IREB2: variants seen among roughly 807,000 people sequenced by gnomAD.
IREB2 encodes the protein iron responsive element binding protein 2.
In IREB2, 39 loss-of-function variants were observed where a neutral mutation model predicts 118.8. That is an observed-to-expected ratio of 0.33 (90% confidence interval 0.25 to 0.43). IREB2 has a LOEUF of 0.43. Ranked by LOEUF, IREB2 falls within the 20% of genes least tolerant of loss-of-function variation. The pLI is 1.00. For missense variants in IREB2, 900 were observed against 1,147.3 expected, an observed-to-expected ratio of 0.78 and a Z score of 3.11; for synonymous variants, 372 against 392.2, an observed-to-expected ratio of 0.95 and a Z score of 0.61.
intron 10 of IREB2, among the ~76,000 whole-genome samples, chr15:78,482,005 G>C (rs1001679338): frequency 6.6e-6 from 1 of 152,304 alleles, no homozygotes. Flanking sequence ...ACTTTGGGAG[G>C]CTGAGGCGGG....
chr15:78,461,846 A>G (rs1393040477), intron 2 of IREB2, among the ~76,000 whole-genome samples: 1 of 152,188 alleles, frequency 6.6e-6, no homozygotes, highest in Non-Finnish European at 1.5e-5. Flanking sequence ...ACCAGTCACA[A>G]TCTCTGAATA....
At position 78,486,612 on chromosome 15, in the gene IREB2, A is replaced by G. The variant is rs1355089054; in HGVS notation, c.1709+772A>G. Among the ~76,000 whole-genome samples the G allele has an allele frequency of 3.4e-3, 520 of 150,964 alleles. 4 individuals carry two copies. Among genetic ancestry groups the G allele is most frequent in the East Asian group, 0.015 (77 of 5,164 alleles). Reference sequence around the variant, plus strand: ...AGAGCGAGACTCCATCTCAAAAAGAAAAAAAAAAAAGTAACCTATGTTTTT... The same window carrying G: ...AGAGCGAGACTCCATCTCAAAAAGAGAAAAAAAAAAGTAACCTATGTTTTT... On this transcript the variant is annotated intron_variant, in intron 13 of 21. Transcript: ENST00000258886.
In IREB2 at chr15:78,463,069, T is replaced by C; in HGVS notation, c.254T>C (p.Val85Ala). ...GAAGTGCCCTTTTTCCCTGCCCGTGTTCTTCTTCAAGATTTTACGTGAGTA... is the reference window on the plus strand; with the variant it reads ...GAAGTGCCCTTTTTCCCTGCCCGTGCTCTTCTTCAAGATTTTACGTGAGTA... ...NVEVPFFPAR[V>A]LLQDFTGIPA... Residue 85 changes from valine to alanine, a missense_variant, in exon 3 of 22, where the codon GTT becomes GCT. By Grantham distance (64) the Val-to-Ala change is moderately conservative (BLOSUM62 0). Transcript: ENST00000258886. 1 of 1,603,346 alleles carries C rather than the reference T, an allele frequency of 6.2e-7. No homozygotes were observed. Among genetic ancestry groups the C allele is most frequent in the Non-Finnish European group, 8.5e-7 (1 of 1,176,932 alleles).
chr15:78,437,979 C>T (rs1029242788), upstream of IREB2, among the ~76,000 whole-genome samples: 8 of 152,364 alleles, frequency 5.3e-5, no homozygotes, highest in African/African-American at 1.9e-4. Flanking sequence ...AAGGCCGCAA[C>T]TAAGTAACGG....
At position 78,490,604 on chromosome 15, in the gene IREB2, AC is replaced by A; in HGVS notation, c.2182-14del. On this transcript the variant is annotated splice_polypyrimidine_tract_variant and intron_variant, in intron 17 of 21. Coordinates refer to ENST00000258886, the MANE Select transcript of IREB2 (RefSeq NM_004136.4). The stretch of plus-strand genomic sequence containing the variant: ...TCTTGTAAAGAGTTAAATGCCTTGA[AC>A]TTTTACCTTCTAGACCAAAGAGCCA... The A allele has an allele frequency of 6.2e-7, 1 of 1,613,460 alleles. No homozygotes were observed. Among genetic ancestry groups the A allele is most frequent in the Non-Finnish European group, 8.5e-7 (1 of 1,179,768 alleles).
At position 78,466,460 on chromosome 15, in the gene IREB2, G is replaced by A. The variant is rs2051285009; in HGVS notation, c.600G>A (p.Leu200=). Residue 200 remains leucine (L), a synonymous_variant, in exon 5 of 22, where the codon CTG becomes CTA. Transcript: ENST00000258886. The stretch of plus-strand genomic sequence containing the variant: ...CGCAGATTGAGAATACACCCATCCT[G>A]TGTCCTTTTCATTTGCAACCAGTGC... ...FSSQIENTPI[L]CPFHLQPVPE... The A allele has an allele frequency of 2.5e-6, 4 of 1,613,880 alleles. No homozygotes were observed. Among genetic ancestry groups the A allele is most frequent in the Non-Finnish European group, 3.4e-6 (4 of 1,179,836 alleles).
intron 10 of IREB2, among the ~76,000 whole-genome samples, chr15:78,482,990 C>T (rs111297626): frequency 6.5e-4 from 99 of 152,236 alleles, no homozygotes; most frequent in South Asian, 1.5e-3. Context: ...CTGCCCACCT[C>T]GGCCTCCCAG....
chr15:78,446,174 C>T (rs568177310), intron 2 of IREB2, among the ~76,000 whole-genome samples: 19 of 152,280 alleles, frequency 1.2e-4, no homozygotes, highest in African/African-American at 3.9e-4. Context: ...ATCTGTTCAT[C>T]TTGTCTTTTA....
chr15:78,475,385 G>A (rs2141495801), intron 8 of IREB2: 1 of 152,292 alleles, frequency 6.6e-6, no homozygotes, highest in South Asian at 2.1e-4. Flanking sequence ...CTACCAAAGT[G>A]GGATTTGCCT....
At chr15:78,475,663 T>C (rs536000895) in intron 8 of IREB2, 1 of 152,050 alleles carries the variant, frequency 6.6e-6, no homozygotes, top group Non-Finnish European at 1.5e-5. Context: ...CTGGTCAACA[T>C]TGTAAGACCC....
chr15:78,472,356 CTTTTT>C (rs956192961), intron 7 of IREB2, among the ~76,000 whole-genome samples: 1 of 147,854 alleles, frequency 6.8e-6, no homozygotes, highest in Non-Finnish European at 1.5e-5. Context: ...TGTCTCTTTT[CTTTTT>C]TTTTTCTTTT....
chr15:78,462,411 G>T (rs2051212678), intron 2 of IREB2, among the ~76,000 whole-genome samples: 1 of 152,172 alleles, frequency 6.6e-6, no homozygotes, highest in Non-Finnish European at 1.5e-5. Flanking sequence ...AAGTAATTAA[G>T]AGTGAATCAA....
intron 21 of IREB2, among the ~76,000 whole-genome samples, chr15:78,497,623 G>A (rs1042685085): frequency 1.3e-5 from 2 of 152,016 alleles, no homozygotes; most frequent in Non-Finnish European, 2.9e-5. Flanking sequence ...AATTTTAACC[G>A]AGGCATACAT....
At chr15:78,478,710 G>A (rs2051517588) in intron 10 of IREB2, among the ~76,000 whole-genome samples, 1 of 151,962 alleles carries the variant, frequency 6.6e-6, no homozygotes, top group Non-Finnish European at 1.5e-5. Flanking sequence ...GTGTCAAAAA[G>A]GAAAAAAATA....
At chr15:78,475,939 T>C (rs1204837373) in intron 8 of IREB2, 1 of 297,498 alleles carries the variant, frequency 3.4e-6, no homozygotes, top group African/African-American at 2.2e-5. Flanking sequence ...AAAATGTTAA[T>C]TATAGCCACC....
In IREB2 at chr15:78,439,782, A is replaced by AT. The variant is rs533778908; in HGVS notation, c.20-4dup. ...TGTTGCTGCATTTAATGAAAATACAATTTTTTTTTCAGGATACGCCTTTGA... is the reference window on the plus strand; with the variant it reads ...TGTTGCTGCATTTAATGAAAATACAATTTTTTTTTTCAGGATACGCCTTTGA... On this transcript the variant is annotated splice_polypyrimidine_tract_variant and intron_variant, in intron 1 of 21. Transcript: ENST00000258886. 2.1e-3 allele frequency: 3,045 copies of AT among 1,436,622 alleles called. 1 individual carries two copies. Among genetic ancestry groups the AT allele is most frequent in the Non-Finnish European group, 2.3e-3 (2,416 of 1,042,078 alleles). 89.0% of individuals were successfully genotyped at this position (1,436,622 alleles called of 1,614,324 possible).
chr15:78,445,599 G>A (rs1288546291), intron 2 of IREB2, among the ~76,000 whole-genome samples: 1 of 152,214 alleles, frequency 6.6e-6, no homozygotes, highest in Non-Finnish European at 1.5e-5. Flanking sequence ...GTCACTTAAA[G>A]GCTGCCTGGT....
At chr15:78,466,047 C>T (rs536964430) in intron 4 of IREB2, among the ~76,000 whole-genome samples, 5 of 152,168 alleles carry the variant, frequency 3.3e-5, no homozygotes, top group African/African-American at 9.6e-5. Flanking sequence ...TTTTACTGGA[C>T]GCTTAGAATT....
chr15:78,478,572 T>C (rs1173844774), intron 10 of IREB2, among the ~76,000 whole-genome samples, 175 bp downstream of exon 10: 2 of 152,172 alleles, frequency 1.3e-5, no homozygotes, highest in Non-Finnish European at 2.9e-5. Flanking sequence ...GGGCATGGCT[T>C]GCGCCTGTGG....
Sources: allele counts gnomAD v4.1 joint callset (sites outside exome capture counted in the v4.1 genomes callset), GRCh38; gene constraint gnomAD v4.1.1; transcripts MANE v1.5; gene names NCBI Gene and HGNC (gene_info 2026-07-23, HGNC 2026-07-21).